GNA13: variants seen among roughly 807,000 people sequenced by gnomAD.
GNA13 encodes G protein subunit alpha 13.
A neutral mutation model predicts 33.5 loss-of-function variants in GNA13; 4 were observed. The observed-to-expected ratio is 0.12, with a 90% CI of 0.06 to 0.27. GNA13 has a LOEUF of 0.27. Among genes scored for constraint, GNA13 ranks in the 10% least tolerant of loss-of-function variants. GNA13 has a pLI of 1.00. For missense variants in GNA13, 319 were observed against 487.2 expected (o/e 0.65, Z 3.25); for synonymous variants, 176 against 183.8 (o/e 0.96, Z 0.34).
chr17:65,023,655 T>C (rs1906669899), intron 2 of GNA13, among the ~76,000 whole-genome samples: 1 of 152,218 alleles, frequency 6.6e-6, no homozygotes, highest in Admixed American at 6.5e-5. Flanking sequence ...TCAAACTGCT[T>C]TATATACTTT....
At chr17:65,028,331 T>A (rs1351529502) in intron 2 of GNA13, among the ~76,000 whole-genome samples, 1 of 143,326 alleles carries the variant, frequency 7.0e-6, no homozygotes, top group Non-Finnish European at 1.5e-5. Flanking sequence ...ACTGCTTGAA[T>A]CCGGGAGGCA....
Position 65,011,642 on chromosome 17 carries a change from G to T in GNA13, c.*2615C>A, listed in dbSNP as rs376537020. On this transcript the variant is annotated 3_prime_UTR_variant, in exon 4 of 4. Coordinates refer to ENST00000439174, the MANE Select transcript of GNA13 (RefSeq NM_006572.6). Reference sequence around the variant, plus strand: ...GTGATATTTCCTCAGAATTAAATGAGAAGGCATTCAGATTTAAGAACAGAA... The same window carrying T: ...GTGATATTTCCTCAGAATTAAATGATAAGGCATTCAGATTTAAGAACAGAA... 19 of 223,342 alleles carry T rather than the reference G, an allele frequency of 8.5e-5. No homozygotes were observed. The highest frequency in any genetic ancestry group is 4.2e-4 in the African/African-American group (19 of 44,816). The allele number at this position is 223,342 out of a possible 1,614,324, so 13.8% of individuals were successfully genotyped here.
Position 65,014,515 on chromosome 17 carries a change from C to T in GNA13, c.876G>A (p.Lys292=). 6.2e-7 allele frequency: 1 copy of T among 1,613,882 alleles called. No homozygotes were observed. Among genetic ancestry groups the T allele is most frequent in the Non-Finnish European group, 8.5e-7 (1 of 1,179,774 alleles). The change falls in exon 4 of 4, where the codon AAG becomes AAA. Residue 292 remains lysine (K), a synonymous_variant. Transcript: ENST00000439174. This position sits in a 1 kb window ranked among gnomAD's most constrained non-coding sequence, Gnocchi z 5.3. The part of the protein sequence containing the change: ...SNVSIILFLN[K]TDLLEEKVQI... ...GCACCTTCTCCTCAAGCAAGTCTGT[C>T]TTGTTTAAGAACAGAATTATGGAGA...
chr17:65,046,755 C>G (rs1018713326), intron 2 of GNA13, among the ~76,000 whole-genome samples: 7 of 152,224 alleles, frequency 4.6e-5, no homozygotes, highest in African/African-American at 1.7e-4. Flanking sequence ...AAACTAAAGT[C>G]TACTTTTCAT....
At chr17:65,033,954 A>G (rs1468160797) in intron 2 of GNA13, among the ~76,000 whole-genome samples, 5 of 134,982 alleles carry the variant, frequency 3.7e-5, no homozygotes, top group African/African-American at 1.4e-4. Flanking sequence ...CGGAGGTTGC[A>G]GTGAGCCAAG....
At chr17:65,048,188 C>T (rs1019301903) in intron 2 of GNA13, among the ~76,000 whole-genome samples, 5 of 152,228 alleles carry the variant, frequency 3.3e-5, no homozygotes. Flanking sequence ...TCCTGTCCTA[C>T]GTAACAAGTG....
chr17:65,045,836 A>C (rs1028248129), intron 2 of GNA13, among the ~76,000 whole-genome samples: 2 of 152,224 alleles, frequency 1.3e-5, no homozygotes, highest in Non-Finnish European at 2.9e-5. Context: ...AATGTGCTAA[A>C]ACTTAATAGG....
chr17:65,037,792 A>AAAAAAAAAAAAAAAC (rs1907308074), intron 2 of GNA13, among the ~76,000 whole-genome samples: 6 of 149,824 alleles, frequency 4.0e-5, no homozygotes, highest in African/African-American at 9.8e-5. Flanking sequence ...AAAAAAAAAA[A>AAAAAAAAAAAAAAAC]AAAAAAAAGA....
At position 65,011,968 on chromosome 17, in the gene GNA13, T is replaced by C. The variant is rs1260341995; in HGVS notation, c.*2289A>G. 4.4e-6 allele frequency: 1 copy of C among 226,824 alleles called. No individual in the cohort carries two copies. Among genetic ancestry groups the C allele is most frequent in the African/African-American group, 2.2e-5 (1 of 45,026 alleles). The allele number at this position is 226,824 out of a possible 1,614,324, so 14.1% of individuals were successfully genotyped here. ...CTTTAGATTGAACTTAAAGTTCTAC[T>C]GAATGTCAAAACAAGCCTAAGTTGA... On this transcript the variant is annotated 3_prime_UTR_variant, in exon 4 of 4. Transcript: ENST00000439174.
chr17:65,051,023 G>C (rs894423457), intron 2 of GNA13, among the ~76,000 whole-genome samples: 4 of 152,086 alleles, frequency 2.6e-5, no homozygotes, highest in Non-Finnish European at 5.9e-5. Flanking sequence ...TCAACAATGA[G>C]GACATGACAG....
At chr17:65,031,919 AGAGTGTGTGT>A (rs1329740869) in intron 2 of GNA13, among the ~76,000 whole-genome samples, 23 of 125,572 alleles carry the variant, frequency 1.8e-4, no homozygotes, top group African/African-American at 6.6e-4. Flanking sequence ...AGAGAGAGAG[AGAGTGTGTGT>A]GTGTGTGTGT....
intron 2 of GNA13, among the ~76,000 whole-genome samples, chr17:65,024,704 G>C (rs529840019): frequency 8.5e-5 from 13 of 152,176 alleles, no homozygotes; most frequent in Non-Finnish European, 1.6e-4. Context: ...CAAGTTCCGA[G>C]AGAAGTGATT....
chr17:65,048,631 T>C (rs980107973), intron 2 of GNA13, among the ~76,000 whole-genome samples: 1 of 152,242 alleles, frequency 6.6e-6, no homozygotes, highest in African/African-American at 2.4e-5. Flanking sequence ...AGGAAATGTT[T>C]ACCTTTGGGA....
chr17:65,052,147 A>C (rs959364609), intron 2 of GNA13: 2 of 152,030 alleles, frequency 1.3e-5, no homozygotes, highest in Admixed American at 6.6e-5. Context: ...CAACTTCCTA[A>C]GCAGCTTATT....
chr17:65,034,012 CAAAA>C (rs780895691), intron 2 of GNA13, among the ~76,000 whole-genome samples: 1 of 50,090 alleles, frequency 2.0e-5, no homozygotes, highest in Non-Finnish European at 3.2e-5. Flanking sequence ...GACTCCGTCT[CAAAA>C]AAAAAAAAAA....
At chr17:65,031,237 T>C (rs1906995683) in intron 2 of GNA13, among the ~76,000 whole-genome samples, 1 of 152,210 alleles carries the variant, frequency 6.6e-6, no homozygotes, top group South Asian at 2.1e-4. Context: ...CAATGGTAAG[T>C]ATTCGTGTAT....
chr17:65,015,988 G>C (rs971230460), intron 3 of GNA13, among the ~76,000 whole-genome samples: 3 of 152,164 alleles, frequency 2.0e-5, no homozygotes, highest in Non-Finnish European at 1.5e-5. Context: ...GAGGGTTGTT[G>C]CAAGGATCAA....
At chr17:65,047,677 A>G (rs1277468335) in intron 2 of GNA13, among the ~76,000 whole-genome samples, 8 of 149,098 alleles carry the variant, frequency 5.4e-5, no homozygotes, top group Admixed American at 5.4e-4. Flanking sequence ...TTTTTTTAAG[A>G]GGGAGGGGGC....
At chr17:65,032,125 C>T (rs190366182) in intron 2 of GNA13, among the ~76,000 whole-genome samples, 1 of 151,716 alleles carries the variant, frequency 6.6e-6, no homozygotes, top group Admixed American at 6.6e-5. Context: ...CTAGCATGTA[C>T]TTACATAAAG....
Sources: gnomAD v4.1 joint callset for allele counts (sites outside exome capture counted in the v4.1 genomes callset) on GRCh38, gnomAD v4.1.1 for gene constraint, Gnocchi (gnomAD v3.1) non-coding constraint, MANE v1.5 for transcripts, NCBI Gene and HGNC (gene_info 2026-07-23, HGNC 2026-07-21) for gene names.